The following MRPS21 variants were observed in gnomAD, a reference collection of about 807,000 sequenced individuals.
The protein encoded by MRPS21 is small ribosomal subunit protein bS21m.
Under a neutral mutation model 9.9 loss-of-function variants are expected in MRPS21, and 8 were observed. The ratio of observed to expected loss-of-function variants is 0.81; its 90% CI spans 0.47 to 1.45. MRPS21 has a LOEUF of 1.45. Ranked by LOEUF, MRPS21 falls within the 40% of genes most tolerant of loss-of-function variation. The pLI is 0.00. For missense variants in MRPS21, 101 were observed against 118.9 expected, an observed-to-expected ratio of 0.85 and a Z score of 0.70; for synonymous variants, 40 against 40.3, an observed-to-expected ratio of 0.99 and a Z score of 0.03.
At chr1:150,305,043 A>T in intron 2 of MRPS21, 1 of 382,764 alleles carries the variant, frequency 2.6e-6, no homozygotes. Flanking sequence ...CCGTCTCAAA[A>T]GAAAGAAAGA....
rs933211120 is a variant in MRPS21, at chr1:150,303,396, C to T, written c.84-4652C>T. 5.9e-5 allele frequency among the ~76,000 whole-genome samples: 9 copies of T among 152,268 alleles called. No individual in the cohort carries two copies. The East Asian group carries it at 1.4e-3, about 23-fold the overall frequency. On this transcript the variant is annotated intron_variant, in intron 2 of 2. Coordinates refer to ENST00000614145, the MANE Select transcript of MRPS21 (RefSeq NM_031901.6). ...GACAGTATTAAACACAAAGTCTCAG[C>T]AGAAATAAATGTTTACATGTTTAGA...
At chr1:150,302,995 C>T (rs1306172687) in intron 2 of MRPS21, among the ~76,000 whole-genome samples, 1 of 152,124 alleles carries the variant, frequency 6.6e-6, no homozygotes, top group South Asian at 2.1e-4. Context: ...TTTCTTTTCC[C>T]TTCACCATTC....
At chr1:150,304,858 C>T (rs1212009527) in intron 2 of MRPS21, 2 of 234,750 alleles carry the variant, frequency 8.5e-6, no homozygotes, top group Non-Finnish European at 1.7e-5. Context: ...TCGAGACCAG[C>T]CTGCCAACAT....
At chr1:150,298,589 A>G (rs996855702) in intron 2 of MRPS21, among the ~76,000 whole-genome samples, 4 of 152,078 alleles carry the variant, frequency 2.6e-5, no homozygotes, top group Non-Finnish European at 5.9e-5. Flanking sequence ...AATTTGTGGT[A>G]CAGTATTATT....
intron 2 of MRPS21, chr1:150,303,955 T>C: frequency 2.2e-6 from 1 of 455,632 alleles, no homozygotes; most frequent in Non-Finnish European, 4.4e-6. Flanking sequence ...ATTTGATCTC[T>C]AACCTTAGAA....
intron 2 of MRPS21, among the ~76,000 whole-genome samples, chr1:150,302,900 G>C (rs587646077): frequency 3.5e-4 from 53 of 152,252 alleles, no homozygotes; most frequent in African/African-American, 1.2e-3. Flanking sequence ...TCCTCACCTG[G>C]CATCTTGGAA....
intron 2 of MRPS21, among the ~76,000 whole-genome samples, chr1:150,300,291 C>T (rs140621199): frequency 0.015 from 2,211 of 151,706 alleles, 17 homozygotes; most frequent in Non-Finnish European, 0.023. Context: ...TGCAGTGAGC[C>T]GAGATCGCGC....
intron 2 of MRPS21, among the ~76,000 whole-genome samples, chr1:150,306,718 C>T (rs1388153646): frequency 6.6e-6 from 1 of 152,152 alleles, no homozygotes; most frequent in East Asian, 1.9e-4. Context: ...TGGTCTCAAA[C>T]TCCTGACCTC....
intron 2 of MRPS21, among the ~76,000 whole-genome samples, chr1:150,297,531 T>G (rs992743338): frequency 6.6e-6 from 1 of 151,822 alleles, no homozygotes; most frequent in African/African-American, 2.4e-5. Flanking sequence ...ATTAGCCATA[T>G]GTGGTGGCAG....
chr1:150,297,440 G>A (rs900375398), intron 2 of MRPS21, among the ~76,000 whole-genome samples: 1 of 152,144 alleles, frequency 6.6e-6, no homozygotes, highest in East Asian at 1.9e-4. Context: ...GGGAGGTTCA[G>A]GCGGGTGGAT....
At chr1:150,304,536 C>G (rs1654254486) in intron 2 of MRPS21, 2 of 165,520 alleles carry the variant, frequency 1.2e-5, no homozygotes, top group African/African-American at 2.4e-5. Flanking sequence ...GCAGGCAGAT[C>G]ATGAGGTCAG....
At chr1:150,304,755 C>CA (rs143084308) in intron 2 of MRPS21, 1,301 of 129,406 alleles carry the variant, frequency 0.01, 25 homozygotes, top group South Asian at 0.072. Flanking sequence ...GACTCTGTCT[C>CA]AAAAAAAAAA....
chr1:150,300,431 C>A (rs1654073902), intron 2 of MRPS21, among the ~76,000 whole-genome samples: 1 of 152,154 alleles, frequency 6.6e-6, no homozygotes, highest in Non-Finnish European at 1.5e-5. Context: ...GTGTCTGGCA[C>A]ATCCAAAGCT....
chr1:150,305,252 T>G (rs1488591307), intron 2 of MRPS21, among the ~76,000 whole-genome samples: 11 of 152,050 alleles, frequency 7.2e-5, no homozygotes, highest in African/African-American at 2.7e-4. Flanking sequence ...TTGCTCAGGC[T>G]AGTGTCAAAC....
intron 2 of MRPS21, among the ~76,000 whole-genome samples, chr1:150,298,835 C>T (rs1302741638): frequency 6.6e-6 from 1 of 152,060 alleles, no homozygotes; most frequent in Non-Finnish European, 1.5e-5. Flanking sequence ...CTCCTGACCT[C>T]GTGATCTGCC....
chr1:150,301,195 C>A (rs112587175), intron 2 of MRPS21: 7,234 of 159,540 alleles, frequency 0.045, 433 homozygotes, highest in African/African-American at 0.13. Flanking sequence ...ATTAGCTGGG[C>A]GCCGTGGCGG....
At chr1:150,304,090 C>T (rs139348255) in intron 2 of MRPS21, 4,630 of 377,280 alleles carry the variant, frequency 0.012, 187 homozygotes, top group African/African-American at 0.087. Context: ...GTGGGTGGAT[C>T]ACCTGAGGTC....
chr1:150,299,279 G>A (rs1049073697), intron 2 of MRPS21, among the ~76,000 whole-genome samples: 1 of 151,846 alleles, frequency 6.6e-6, no homozygotes, highest in African/African-American at 2.4e-5. Flanking sequence ...CAGGTTTGCA[G>A]AAAATATAAG....
chr1:150,303,911 C>T (rs782773246), intron 2 of MRPS21: 5 of 455,774 alleles, frequency 1.1e-5, no homozygotes, highest in Admixed American at 9.4e-5. Context: ...TTGTTCTTTG[C>T]CAAGTATTTT....
Sources: gnomAD v4.1 joint callset for allele counts (sites outside exome capture counted in the v4.1 genomes callset) on GRCh38, gnomAD v4.1.1 for gene constraint, MANE v1.5 for transcripts, NCBI Gene and HGNC (gene_info 2026-07-23, HGNC 2026-07-21) for gene names.